Variants in VPS8 observed in about 807,000 individuals in gnomAD.
The protein encoded by VPS8 is VPS8 subunit of CORVET complex, also known as vacuolar protein sorting-associated protein 8 homolog.
VPS8 carries 129 observed loss-of-function variants against 216.4 expected under a neutral mutation model. The ratio of observed to expected loss-of-function variants is 0.60; its 90% confidence interval spans 0.52 to 0.69. The LOEUF is 0.69. Ranked by LOEUF, VPS8 falls within the 30% of genes least tolerant of loss-of-function variation. The pLI is 0.00. For missense variants in VPS8, 1,531 were observed against 1,683.5 expected (o/e 0.91, Z 1.59); for synonymous variants, 571 against 565.4 (o/e 1.01, Z -0.14).
chr3:184,826,713 C>T (rs936183135), intron 3 of VPS8, among the ~76,000 whole-genome samples: 4 of 152,184 alleles, frequency 2.6e-5, no homozygotes, highest in Non-Finnish European at 2.9e-5. Flanking sequence ...GTTGTCTCTA[C>T]CACTGATATT....
rs1053660953 is a variant in VPS8 at position 185,032,348 on chromosome 3, C to G, written c.4056+7959C>G. Among the ~76,000 whole-genome samples, 13 of 152,194 alleles carry G rather than the reference C, an allele frequency of 8.5e-5. No homozygotes were observed. In the South Asian group the frequency reaches 2.7e-3, roughly 32 times the overall value. On this transcript the variant is annotated intron_variant, in intron 46 of 47. Transcript: ENST00000625842. ...GAGAGGGCTATTGCAGTAAGGGGAA[C>G]GCTCCAACCATAAGATCTGCAAGGG...
intron 36 of VPS8, among the ~76,000 whole-genome samples, chr3:184,949,562 A>G (rs891888448): frequency 2.6e-5 from 4 of 152,008 alleles, no homozygotes; most frequent in Non-Finnish European, 5.9e-5. Flanking sequence ...GTGGGGAGCA[A>G]AGAGACCAAG....
chr3:185,003,170 TTAA>T (rs1202753428), intron 45 of VPS8, among the ~76,000 whole-genome samples: 1,525 of 148,740 alleles, frequency 0.01, 13 homozygotes, highest in South Asian at 0.028. Context: ...TTTTTTTTTT[TTAA>T]TTGATCATTC....
intron 45 of VPS8, among the ~76,000 whole-genome samples, chr3:185,001,459 A>G (rs1451820963): frequency 6.6e-6 from 1 of 152,162 alleles, no homozygotes; most frequent in Admixed American, 6.5e-5. Context: ...AGCCAAATGG[A>G]AGAGGTGCAT....
intron 15 of VPS8, among the ~76,000 whole-genome samples, chr3:184,862,514 T>G (rs1001821465): frequency 2.0e-5 from 3 of 152,186 alleles, no homozygotes; most frequent in South Asian, 2.1e-4. Flanking sequence ...CAGCTAGGTT[T>G]ATCGGCTTTA....
At position 184,957,529 on chromosome 3, in the gene VPS8, GA is replaced by G. The variant is rs757054215; in HGVS notation, c.3183+10del. On this transcript the variant is annotated intron_variant, in intron 37 of 47. Coordinates refer to ENST00000625842, the MANE Select transcript of VPS8 (RefSeq NM_001009921.3). The stretch of plus-strand genomic sequence containing the variant: ...CTGGAAGAAACTATTCAGGTGAGAC[GA>G]ACAATGTAAAAGAGACAAGAGTAAA... 3.1e-6 allele frequency: 5 copies of G among 1,604,608 alleles called. No individual in the cohort carries two copies. Among genetic ancestry groups the G allele is most frequent in the Non-Finnish European group, 2.6e-6 (3 of 1,175,914 alleles).
chr3:184,861,951 A>T (rs1726457481), intron 15 of VPS8, among the ~76,000 whole-genome samples: 1 of 152,236 alleles, frequency 6.6e-6, no homozygotes, highest in African/African-American at 2.4e-5. Flanking sequence ...TTGCATATCA[A>T]ACTCCCTGTT....
At chr3:184,819,098 T>G (rs941077777) in intron 1 of VPS8, among the ~76,000 whole-genome samples, 1 of 152,246 alleles carries the variant, frequency 6.6e-6, no homozygotes, top group East Asian at 1.9e-4. Context: ...AAGTCATTGC[T>G]GTTTATATGG....
intron 21 of VPS8, among the ~76,000 whole-genome samples, chr3:184,874,168 T>C (rs1203077564): frequency 2.0e-5 from 3 of 152,028 alleles, no homozygotes; most frequent in African/African-American, 7.2e-5. Context: ...AAAACAACCA[T>C]GTTAAACTCA....
intron 33 of VPS8, 70 bp from the exon 34 acceptor site, chr3:184,930,400 C>G: frequency 1.9e-6 from 2 of 1,053,812 alleles, no homozygotes; most frequent in Non-Finnish European, 2.9e-6. Flanking sequence ...TTTACCAAGA[C>G]TGGTTCAGTT....
chr3:184,854,412 C>G (rs1033421656), intron 13 of VPS8, among the ~76,000 whole-genome samples: 4 of 152,186 alleles, frequency 2.6e-5, no homozygotes, highest in African/African-American at 9.7e-5. Flanking sequence ...TCACTTTAAG[C>G]TTTTCTCTCA....
chr3:184,898,330 C>T (rs997293839), intron 23 of VPS8, among the ~76,000 whole-genome samples: 8 of 152,012 alleles, frequency 5.3e-5, no homozygotes, highest in African/African-American at 1.7e-4. Flanking sequence ...AGAGAAGAAA[C>T]AAAATTAGAC....
At chr3:184,854,862 T>C (rs1724954951) in intron 13 of VPS8, among the ~76,000 whole-genome samples, 1 of 152,202 alleles carries the variant, frequency 6.6e-6, no homozygotes, top group Non-Finnish European at 1.5e-5. Flanking sequence ...TTCTTGATTG[T>C]TTTCAGAGTT....
intron 17 of VPS8, among the ~76,000 whole-genome samples, chr3:184,867,688 A>G (rs1051460251): frequency 1.3e-5 from 2 of 152,160 alleles, no homozygotes; most frequent in Non-Finnish European, 2.9e-5. Context: ...TCTAGTAAAA[A>G]TACAAAAATT....
At chr3:185,026,248 G>A (rs115038406) in intron 46 of VPS8, among the ~76,000 whole-genome samples, 2,759 of 152,036 alleles carry the variant, frequency 0.018, 93 homozygotes, top group African/African-American at 0.063. Flanking sequence ...ATTGTATTGG[G>A]TATTATAAGT....
At chr3:184,984,584 C>T (rs1577064418) in intron 42 of VPS8, among the ~76,000 whole-genome samples, 4 of 152,222 alleles carry the variant, frequency 2.6e-5, no homozygotes, top group African/African-American at 9.6e-5. Context: ...TGAGCCACAG[C>T]GCCCGGCCAG....
chr3:184,974,979 A>G (rs1398818842), intron 40 of VPS8, among the ~76,000 whole-genome samples: 3 of 152,060 alleles, frequency 2.0e-5, no homozygotes, highest in Admixed American at 6.5e-5. Flanking sequence ...ATATTTTGAC[A>G]TCAGGTAGTA....
rs1017552743 is a variant in VPS8 at position 184,826,173 on chromosome 3, A to T, written c.164A>T (p.Lys55Met). 1 of 1,608,764 alleles carries T rather than the reference A, an allele frequency of 6.2e-7. No individual in the cohort carries two copies. Among genetic ancestry groups the T allele is most frequent in the African/African-American group, 1.3e-5 (1 of 74,906 alleles). The change falls in exon 3 of 48, where the codon AAG (lysine) becomes ATG (methionine). Residue 55 changes from lysine (K) to methionine (M), a missense_variant. Lys to Met is a moderately conservative substitution (Grantham distance 95). This residue lies in a region of VPS8 where 199 missense variants were observed against 182.2 expected (regional missense o/e 1.09). Transcript: ENST00000625842. ...LEFKNDLIDDKEFDIPQVDTP... is the reference protein window; with the variant it reads ...LEFKNDLIDDMEFDIPQVDTP... ...TTTTTCTTTATTTAGATTGATGACA[A>T]GGAGTTTGATATTCCTCAAGTTGAT...
At chr3:184,898,716 C>T (rs9845800) in intron 24 of VPS8, 62 bp downstream of exon 24, 603,086 of 1,273,608 alleles carry the variant, frequency 0.47, 148,415 homozygotes, top group Non-Finnish European at 0.52. Flanking sequence ...TTCTCCTATT[C>T]TCCATTTGCT....
Sources: allele counts gnomAD v4.1 joint callset (sites outside exome capture counted in the v4.1 genomes callset), GRCh38; gene constraint gnomAD v4.1.1; regional missense constraint gnomAD v4.1.1; transcripts MANE v1.5; gene names NCBI Gene and HGNC (gene_info 2026-07-23, HGNC 2026-07-21).